Variants in ACACA observed in about 807,000 individuals in gnomAD.
ACACA encodes acetyl-CoA carboxylase 1.
In ACACA, 103 loss-of-function variants were observed where a neutral mutation model predicts 296.1. The observed-to-expected ratio is 0.35, with a 90% CI of 0.30 to 0.41. The LOEUF is 0.41. Ranked by LOEUF, ACACA falls within the 10% of genes least tolerant of loss-of-function variation. The probability of loss-of-function intolerance (pLI) is 1.00; values close to 1 mark genes in which losing one functional copy is unlikely to be tolerated. For synonymous variants in ACACA, 953 were observed against 1,038.6 expected (o/e 0.92, Z 1.58); for missense variants, 1,554 against 2,989.7 (o/e 0.52, Z 11.20).
intron 41 of ACACA, among the ~76,000 whole-genome samples, chr17:37,174,430 C>T (rs969671490): frequency 6.6e-5 from 10 of 152,130 alleles, no homozygotes; most frequent in Non-Finnish European, 5.9e-5. Context: ...ACCCTGACAC[C>T]TAGCGCCCAT....
At chr17:37,258,511 A>T in intron 12 of ACACA, 138 bp from the exon 13 acceptor site, 1 of 785,898 alleles carries the variant, frequency 1.3e-6, no homozygotes, top group Non-Finnish European at 2.1e-6. Flanking sequence ...GTATTCTACA[A>T]TCATCAACTC....
chr17:37,235,454 C>G (rs2080064591), intron 24 of ACACA, among the ~76,000 whole-genome samples: 1 of 151,994 alleles, frequency 6.6e-6, no homozygotes, highest in Non-Finnish European at 1.5e-5. Context: ...TAACTCAAAC[C>G]CCAGTCTTAC....
chr17:37,285,705 T>C (rs1360578129), intron 3 of ACACA, among the ~76,000 whole-genome samples: 1 of 99,608 alleles, frequency 1.0e-5, no homozygotes, highest in Non-Finnish European at 2.0e-5. Context: ...CCCAGTTACT[T>C]GGGGTGGGGG....
intron 45 of ACACA, among the ~76,000 whole-genome samples, chr17:37,142,955 T>C (rs1180983102): frequency 6.6e-6 from 1 of 152,212 alleles, no homozygotes; most frequent in Non-Finnish European, 1.5e-5. Context: ...GGATAAGAAA[T>C]TGCAATGAGA....
intron 3 of ACACA, among the ~76,000 whole-genome samples, chr17:37,313,657 C>A (rs1354771665): frequency 6.6e-6 from 1 of 151,966 alleles, no homozygotes; most frequent in East Asian, 1.9e-4. Flanking sequence ...TGGCTTTTAC[C>A]CAAAAGAGGC....
At chr17:37,249,564 G>A (rs954326677) in intron 16 of ACACA, among the ~76,000 whole-genome samples, 3 of 152,016 alleles carry the variant, frequency 2.0e-5, no homozygotes, top group Non-Finnish European at 4.4e-5. Context: ...GGTGTGAGGT[G>A]GTATCTCATC....
chr17:37,099,417 T>C (rs938978152), intron 52 of ACACA, among the ~76,000 whole-genome samples: 1 of 151,624 alleles, frequency 6.6e-6, no homozygotes, highest in African/African-American at 2.4e-5. Flanking sequence ...CAAAGGCCCA[T>C]TGCATTCTAG....
intron 54 of ACACA, among the ~76,000 whole-genome samples, chr17:37,094,581 C>T (rs1555543639): frequency 1.1e-4 from 17 of 148,348 alleles, no homozygotes; most frequent in Middle Eastern, 3.5e-3. Context: ...CACCCCCCCC[C>T]CCCCACACCA....
intron 26 of ACACA, among the ~76,000 whole-genome samples, chr17:37,226,125 A>C (rs562382311): frequency 2.6e-5 from 4 of 152,296 alleles, no homozygotes; most frequent in African/African-American, 9.6e-5. Context: ...TTAATGGGGA[A>C]AGGGCTTCTA....
chr17:37,116,931 CA>C (rs1305531024), intron 50 of ACACA, among the ~76,000 whole-genome samples: 1 of 152,164 alleles, frequency 6.6e-6, no homozygotes, highest in Non-Finnish European at 1.5e-5. Flanking sequence ...CTGAGAAACG[CA>C]ACTGGGAATG....
In ACACA at chr17:37,151,438, T is replaced by C. The variant is rs746756123; in HGVS notation, c.5448-17A>G. On this transcript the variant is annotated splice_polypyrimidine_tract_variant and intron_variant, in intron 43 of 55. Coordinates refer to ENST00000616317, the MANE Select transcript of ACACA (RefSeq NM_198834.3). ...ATCTTGTACCTATTGGATATGGCCATGTCAAATTATGAATGTTAAACACAG... is the reference window on the plus strand; with the variant it reads ...ATCTTGTACCTATTGGATATGGCCACGTCAAATTATGAATGTTAAACACAG... The C allele has an allele frequency of 3.7e-6, 6 of 1,613,078 alleles. No homozygotes were observed. Among genetic ancestry groups the C allele is most frequent in the Non-Finnish European group, 5.1e-6 (6 of 1,179,602 alleles).
intron 14 of ACACA, among the ~76,000 whole-genome samples, chr17:37,256,584 T>A: frequency 6.6e-6 from 1 of 152,094 alleles, no homozygotes; most frequent in Admixed American, 6.5e-5. Context: ...AATTTAAAAT[T>A]TGCTGGACAT....
At chr17:37,248,461 T>C in intron 17 of ACACA, 132 bp downstream of exon 17, 1 of 799,552 alleles carries the variant, frequency 1.3e-6, no homozygotes, top group South Asian at 1.4e-5. Flanking sequence ...TTCAGGACAC[T>C]GACAAAAATA....
At chr17:37,357,845 G>A (rs1225499045) in intron 1 of ACACA, among the ~76,000 whole-genome samples, 2 of 152,098 alleles carry the variant, frequency 1.3e-5, no homozygotes, top group Non-Finnish European at 2.9e-5. Context: ...CCCTCAAGAA[G>A]GGACAAATAT....
intron 3 of ACACA, among the ~76,000 whole-genome samples, chr17:37,324,561 T>G (rs1478255918): frequency 1.3e-5 from 2 of 150,866 alleles, no homozygotes; most frequent in Admixed American, 6.6e-5. Flanking sequence ...TCCCAGCTAC[T>G]TGGGAGGCTG....
Position 37,310,806 on chromosome 17 carries a change from A to G in ACACA, c.338+19367T>C, listed in dbSNP as rs2084096911. Among the ~76,000 whole-genome samples the G allele has an allele frequency of 2.0e-5, 3 of 151,338 alleles. No individual in the cohort carries two copies. The South Asian group carries it at 6.2e-4, about 31-fold the overall frequency. ...GAGACACCATCTCAAAAAAAAAAAA[A>G]AAAAAAAAGAAAGAAAATGTATATC... On this transcript the variant is annotated intron_variant, in intron 3 of 55. Coordinates refer to ENST00000616317, the MANE Select transcript of ACACA (RefSeq NM_198834.3).
chr17:37,238,031 G>C (rs2080199417), intron 24 of ACACA, among the ~76,000 whole-genome samples: 1 of 152,188 alleles, frequency 6.6e-6, no homozygotes, highest in African/African-American at 2.4e-5. Flanking sequence ...AAAGTGCTAG[G>C]ATTACAGGCT....
chr17:37,303,078 G>A (rs1016250277), intron 3 of ACACA, among the ~76,000 whole-genome samples: 14 of 152,066 alleles, frequency 9.2e-5, no homozygotes, highest in Non-Finnish European at 4.4e-5. Context: ...CTACAGGAAC[G>A]TGCACCACGC....
At chr17:37,249,275 G>A (rs1410541776) in intron 16 of ACACA, among the ~76,000 whole-genome samples, 1 of 152,114 alleles carries the variant, frequency 6.6e-6, no homozygotes, top group African/African-American at 2.4e-5. Flanking sequence ...CAACATCTGA[G>A]TTGCTCCCAT....
Sources: allele counts gnomAD v4.1 joint callset (sites outside exome capture counted in the v4.1 genomes callset), GRCh38; gene constraint gnomAD v4.1.1; transcripts MANE v1.5; gene names NCBI Gene and HGNC (gene_info 2026-07-23, HGNC 2026-07-21).